PSMA1: variants seen among roughly 807,000 people sequenced by gnomAD.
PSMA1 encodes proteasome subunit alpha type-1.
Under a neutral mutation model 38.4 loss-of-function variants are expected in PSMA1, and 3 were observed. The ratio of observed to expected loss-of-function variants is 0.08; its 90% CI spans 0.04 to 0.20. PSMA1 has a LOEUF of 0.20. Ranked by LOEUF, PSMA1 falls within the 10% of genes least tolerant of loss-of-function variation. The pLI is 1.00. For missense variants in PSMA1, 227 were observed against 325.3 expected (o/e 0.70, Z 2.32); for synonymous variants, 101 against 107.1 (o/e 0.94, Z 0.35).
intron 1 of PSMA1, among the ~76,000 whole-genome samples, chr11:14,633,871 G>A (rs12270702): frequency 0.22 from 33,557 of 152,164 alleles, 4,730 homozygotes; most frequent in Admixed American, 0.36. Context: ...TCGGAAAAGC[G>A]CAGTATTAGG....
intron 1 of PSMA1, among the ~76,000 whole-genome samples, chr11:14,634,697 G>A (rs1235066611): frequency 6.6e-6 from 1 of 152,096 alleles, no homozygotes; most frequent in Admixed American, 6.6e-5. Context: ...CATGTTTTAG[G>A]GGCTGGTAGT....
intron 1 of PSMA1, among the ~76,000 whole-genome samples, chr11:14,630,606 G>C (rs1328943279): frequency 1.3e-5 from 2 of 151,474 alleles, no homozygotes; most frequent in African/African-American, 4.8e-5. Flanking sequence ...TGTTCATCAA[G>C]GATATTGGTC....
At chr11:14,572,267 A>G (rs1467901596) in intron 2 of PSMA1, among the ~76,000 whole-genome samples, 1 of 152,208 alleles carries the variant, frequency 6.6e-6, no homozygotes, top group Non-Finnish European at 1.5e-5. Flanking sequence ...TTTGGAAGTA[A>G]AGCACTCCTC....
intron 2 of PSMA1, among the ~76,000 whole-genome samples, chr11:14,567,245 G>C (rs1343526519): frequency 6.6e-6 from 1 of 152,176 alleles, no homozygotes; most frequent in Non-Finnish European, 1.5e-5. Context: ...TGCCTCAAGA[G>C]ATTGCCTCTT....
At chr11:14,592,196 G>GT (rs1852424654) in intron 2 of PSMA1, among the ~76,000 whole-genome samples, 1 of 152,092 alleles carries the variant, frequency 6.6e-6, no homozygotes, top group South Asian at 2.1e-4. Flanking sequence ...CTTAACAGCT[G>GT]TAACACTCAC....
intron 2 of PSMA1, among the ~76,000 whole-genome samples, chr11:14,567,915 C>T (rs180695413): frequency 5.3e-5 from 8 of 152,190 alleles, no homozygotes; most frequent in African/African-American, 7.2e-5. Context: ...AAGCTTCCTT[C>T]GGGTAGGAAT....
At chr11:14,561,222 G>T (rs889753100) in intron 2 of PSMA1, among the ~76,000 whole-genome samples, 1 of 152,206 alleles carries the variant, frequency 6.6e-6, no homozygotes, top group Admixed American at 6.5e-5. Context: ...GATTGCATTT[G>T]CTCTCTTTAT....
At chr11:14,540,505 G>T (rs1209825121) in intron 2 of PSMA1, among the ~76,000 whole-genome samples, 1 of 152,180 alleles carries the variant, frequency 6.6e-6, no homozygotes. Flanking sequence ...GGAGGTAAAT[G>T]TCTGTTTTTC....
intron 2 of PSMA1, among the ~76,000 whole-genome samples, chr11:14,582,845 A>T (rs1159400969): frequency 6.6e-6 from 1 of 152,120 alleles, no homozygotes; most frequent in Non-Finnish European, 1.5e-5. Flanking sequence ...ACACTTCTTA[A>T]TAGCAGATTC....
intron 2 of PSMA1, among the ~76,000 whole-genome samples, chr11:14,548,343 C>G (rs1256128907): frequency 6.6e-6 from 1 of 152,174 alleles, no homozygotes; most frequent in Admixed American, 6.5e-5. Flanking sequence ...AAGGTAGACA[C>G]TGGCTTCAGT....
intron 1 of PSMA1, among the ~76,000 whole-genome samples, chr11:14,620,145 G>C (rs1038232744): frequency 5.3e-5 from 8 of 152,016 alleles, no homozygotes; most frequent in Non-Finnish European, 1.2e-4. Flanking sequence ...AGCTCTACCT[G>C]AGTTCTTTTT....
At chr11:14,628,577 T>C (rs1464494753) in intron 1 of PSMA1, among the ~76,000 whole-genome samples, 2 of 150,346 alleles carry the variant, frequency 1.3e-5, no homozygotes, top group Non-Finnish European at 3.0e-5. Flanking sequence ...TGTTGGACAT[T>C]TGGGTTGGTT....
intron 8 of PSMA1, 26 bp from the exon 9 acceptor site, chr11:14,507,792 A>G: frequency 7.1e-7 from 1 of 1,407,524 alleles, no homozygotes; most frequent in Non-Finnish European, 1.0e-6. Flanking sequence ...TGGTAAAAGT[A>G]AAATAAGAGA....
rs188902356 is a variant in PSMA1 at position 14,549,161 on chromosome 11, T to A, written c.22-30120A>T. Among the ~76,000 whole-genome samples the A allele has an allele frequency of 3.9e-5, 6 of 152,326 alleles. No individual in the cohort carries two copies. The East Asian group carries it at 1.2e-3, about 29-fold the overall frequency. The stretch of plus-strand genomic sequence containing the variant: ...GATGAAATGTGCTTATAGGTTGCTG[T>A]TAATTTTAAATAAAACTTATTGCCT... On this transcript the variant is annotated intron_variant, in intron 2 of 10. Transcript: ENST00000418988.
At chr11:14,565,284 T>C (rs548131988) in intron 2 of PSMA1, among the ~76,000 whole-genome samples, 1 of 152,300 alleles carries the variant, frequency 6.6e-6, no homozygotes, top group East Asian at 1.9e-4. Context: ...TTTTATCTTT[T>C]TTCTTTCTCA....
intron 1 of PSMA1, chr11:14,520,026 A>C (rs1851501244): frequency 3.4e-6 from 2 of 580,340 alleles, no homozygotes; most frequent in South Asian, 2.1e-5. Context: ...CCACTGAAGG[A>C]ACCTGAGGGG....
chr11:14,520,454 T>G, upstream of PSMA1: 3 of 1,562,564 alleles, frequency 1.9e-6, no homozygotes, highest in South Asian at 2.3e-5. Context: ...TCGATAGGCT[T>G]GCAACACTTC....
chr11:14,622,255 T>C (rs1376801472), intron 1 of PSMA1, among the ~76,000 whole-genome samples: 1 of 152,258 alleles, frequency 6.6e-6, no homozygotes, highest in East Asian at 1.9e-4. Flanking sequence ...CATTCTTTTC[T>C]ATTCCAATTA....
chr11:14,517,125 A>G (rs1851443196), intron 4 of PSMA1, among the ~76,000 whole-genome samples: 1 of 152,152 alleles, frequency 6.6e-6, no homozygotes, highest in East Asian at 1.9e-4. Context: ...CTCTCACAGA[A>G]ATTTTTCTGT....
Sources: gnomAD v4.1 joint callset for allele counts (sites outside exome capture counted in the v4.1 genomes callset) on GRCh38, gnomAD v4.1.1 for gene constraint, MANE v1.5 for transcripts, NCBI Gene and HGNC (gene_info 2026-07-23, HGNC 2026-07-21) for gene names.